The following SNAP91 variants were observed in gnomAD, a reference collection of about 807,000 sequenced individuals.
SNAP91 encodes the protein clathrin coat assembly protein AP180.
SNAP91 carries 27 observed loss-of-function variants against 100.3 expected under a neutral mutation model. That is an observed-to-expected ratio of 0.27 (90% CI 0.20 to 0.37). The LOEUF is 0.37. SNAP91 is among the 10% of genes least tolerant of loss of function. The pLI is 1.00. For synonymous variants in SNAP91, 404 were observed against 398.6 expected (o/e 1.01, Z -0.16); for missense variants, 986 against 1,123.7 (o/e 0.88, Z 1.75).
At chr6:83,562,610 T>A (rs1789742561) in intron 26 of SNAP91, among the ~76,000 whole-genome samples, 1 of 152,192 alleles carries the variant, frequency 6.6e-6, no homozygotes, top group Non-Finnish European at 1.5e-5. Flanking sequence ...ACCTTCCCTA[T>A]GGGATAGCTA....
intron 2 of SNAP91, among the ~76,000 whole-genome samples, chr6:83,687,334 G>T (rs1249444392): frequency 6.6e-6 from 1 of 152,056 alleles, no homozygotes; most frequent in Non-Finnish European, 1.5e-5. Context: ...CAGGATATAA[G>T]AATAATAATA....
chr6:83,591,976 A>T (rs1232973543), intron 21 of SNAP91, among the ~76,000 whole-genome samples: 1 of 152,252 alleles, frequency 6.6e-6, no homozygotes, highest in Non-Finnish European at 1.5e-5. Flanking sequence ...AACTCTTTGT[A>T]AGGATAGCAA....
chr6:83,593,051 A>T, intron 19 of SNAP91, 34 bp from the exon 20 acceptor site: 1 of 1,553,366 alleles, frequency 6.4e-7, no homozygotes, highest in Non-Finnish European at 8.7e-7. Flanking sequence ...AACCAAGCAG[A>T]GGTAAGTAGT....
chr6:83,674,433 C>CA (rs369880003), intron 2 of SNAP91, among the ~76,000 whole-genome samples: 14 of 149,670 alleles, frequency 9.4e-5, no homozygotes, highest in African/African-American at 1.2e-4. Flanking sequence ...GATTCCATCT[C>CA]AAAAAAAAAG....
At chr6:83,588,742 A>T (rs1357754012) in intron 22 of SNAP91, among the ~76,000 whole-genome samples, 1 of 152,128 alleles carries the variant, frequency 6.6e-6, no homozygotes, top group Non-Finnish European at 1.5e-5. Context: ...CCACAGGAAA[A>T]GGCCTTTCAG....
intron 28 of SNAP91, 39 bp downstream of exon 28, chr6:83,560,065 A>T: frequency 1.3e-6 from 2 of 1,487,316 alleles, no homozygotes; most frequent in Non-Finnish European, 1.9e-6. Flanking sequence ...TACACTTATT[A>T]GTTAATGTCA....
intron 2 of SNAP91, 36 bp downstream of exon 2, chr6:83,707,762 C>T (rs757711426): frequency 2.5e-6 from 4 of 1,609,744 alleles, no homozygotes; most frequent in Admixed American, 1.7e-5. Context: ...GCGCCTCTGC[C>T]GTGCGCATGT....
At chr6:83,559,062 C>G (rs945608309) in intron 28 of SNAP91, among the ~76,000 whole-genome samples, 10 of 152,264 alleles carry the variant, frequency 6.6e-5, no homozygotes, top group East Asian at 3.9e-4. Context: ...GAAAGGGAAC[C>G]TCTAAATCCT....
intron 16 of SNAP91, among the ~76,000 whole-genome samples, chr6:83,600,699 T>C (rs2095091517): frequency 2.0e-5 from 3 of 152,244 alleles, no homozygotes; most frequent in African/African-American, 7.2e-5. Context: ...CTTCAGATGT[T>C]TTCTCAGAGT....
chr6:83,560,918 A>G lies in SNAP91; in HGVS notation c.2472T>C (p.Val824=). ...CCGATGGGGCCCCGGCAACAGGAGG[A>G]ACTGAACTGGTTGGAGGTACAGCTC... ...LQGAVPPTSS[V]PPVAGAPSVG... The change falls in exon 27 of 30, where the codon GTT becomes GTC. Residue 824 remains valine (V), a synonymous_variant. Transcript: ENST00000369694. 6.2e-7 allele frequency: 1 copy of G among 1,613,134 alleles called. No homozygotes were observed. Among genetic ancestry groups the G allele is most frequent in the Admixed American group, 1.7e-5 (1 of 59,784 alleles).
chr6:83,639,975 AT>A (rs2097618571), intron 8 of SNAP91, among the ~76,000 whole-genome samples: 1 of 152,190 alleles, frequency 6.6e-6, no homozygotes. Context: ...AAGCAATTCT[AT>A]CATTTCTTAA....
At chr6:83,565,028 C>T (rs1345567396) in intron 26 of SNAP91, among the ~76,000 whole-genome samples, 1 of 148,636 alleles carries the variant, frequency 6.7e-6, no homozygotes, top group African/African-American at 2.5e-5. Flanking sequence ...ATCTAGTATC[C>T]CGAATATTTA....
intron 2 of SNAP91, among the ~76,000 whole-genome samples, chr6:83,688,214 A>G (rs956221483): frequency 1.3e-5 from 2 of 151,638 alleles, no homozygotes; most frequent in African/African-American, 2.4e-5. Context: ...TTCTCACTTG[A>G]CTCACCCTAA....
chr6:83,613,954 C>G (rs190406763), intron 11 of SNAP91, among the ~76,000 whole-genome samples: 176 of 152,120 alleles, frequency 1.2e-3, no homozygotes, highest in African/African-American at 3.9e-3. Context: ...ATGAATGACC[C>G]ATATAAGTAA....
chr6:83,662,802 T>C (rs530364902), intron 3 of SNAP91, among the ~76,000 whole-genome samples: 2 of 152,154 alleles, frequency 1.3e-5, no homozygotes, highest in Non-Finnish European at 2.9e-5. Context: ...TCTCCTAACA[T>C]TTTTGCTTAA....
intron 16 of SNAP91, among the ~76,000 whole-genome samples, chr6:83,598,141 G>A (rs1036051601): frequency 1.3e-5 from 2 of 152,114 alleles, no homozygotes. Flanking sequence ...GCTATTGTCA[G>A]TAAAATTTGC....
intron 2 of SNAP91, chr6:83,678,772 C>T: frequency 1.6e-6 from 2 of 1,289,388 alleles, no homozygotes; most frequent in Non-Finnish European, 1.0e-6. Context: ...CTTACCAAAG[C>T]CTTACTGTTA....
At chr6:83,588,545 A>G (rs2093204917) in intron 22 of SNAP91, among the ~76,000 whole-genome samples, 1 of 152,166 alleles carries the variant, frequency 6.6e-6, no homozygotes, top group African/African-American at 2.4e-5. Flanking sequence ...CCCCTGCTGG[A>G]CCTGTCCATA....
intron 12 of SNAP91, among the ~76,000 whole-genome samples, chr6:83,608,294 G>A (rs1312797613): frequency 2.6e-5 from 4 of 152,076 alleles, no homozygotes; most frequent in South Asian, 2.1e-4. Context: ...GGAAGAGAAC[G>A]ATTCACAAGC....
Sources: allele counts gnomAD v4.1 joint callset (sites outside exome capture counted in the v4.1 genomes callset), GRCh38; gene constraint gnomAD v4.1.1; transcripts MANE v1.5; gene names NCBI Gene and HGNC (gene_info 2026-07-23, HGNC 2026-07-21).